LRRC37A2: variants seen among roughly 807,000 people sequenced by gnomAD.
LRRC37A2 encodes the protein leucine-rich repeat-containing protein 37A2.
LRRC37A2 carries 9 observed loss-of-function variants against 68.8 expected under a neutral mutation model. The observed-to-expected ratio is 0.13, with a 90% CI of 0.08 to 0.23. The LOEUF (loss-of-function observed/expected upper bound fraction) is 0.23. Among genes scored for constraint, LRRC37A2 ranks in the 10% least tolerant of loss-of-function variants. The pLI, the probability that LRRC37A2 is intolerant of heterozygous loss-of-function variation, is 1.00. For synonymous variants in LRRC37A2, 63 were observed against 367.6 expected (o/e 0.17, Z 9.48); for missense variants, 168 against 950.4 (o/e 0.18, Z 10.82).
At chr17:46,864,621 A>C in the LRRC37A2 span, among the ~76,000 whole-genome samples, 1 of 152,138 alleles carries the variant, frequency 6.6e-6, no homozygotes, top group Non-Finnish European at 1.5e-5. Flanking sequence ...TCCTTCCCTC[A>C]AAACCTAGCT....
chr17:46,767,575 C>T, the LRRC37A2 span, among the ~76,000 whole-genome samples: 20 of 152,250 alleles, frequency 1.3e-4, no homozygotes, highest in Middle Eastern at 3.4e-3. Flanking sequence ...AAAGCTGAGG[C>T]CCAGAAAAGT....
At chr17:46,968,950 G>T in the LRRC37A2 span, 1 of 152,524 alleles carries the variant, frequency 6.6e-6, no homozygotes, top group Admixed American at 6.5e-5. Flanking sequence ...GTTGAAAAAT[G>T]ATTGTTCTAA....
chr17:46,931,677 C>T, the LRRC37A2 span: 1 of 319,600 alleles, frequency 3.1e-6, no homozygotes. Flanking sequence ...GCGCCTGTTT[C>T]CAAAAGTTTT....
At chr17:46,499,094 C>G in the LRRC37A2 span, among the ~76,000 whole-genome samples, 1 of 147,170 alleles carries the variant, frequency 6.8e-6, no homozygotes, top group Non-Finnish European at 1.5e-5. Flanking sequence ...GCAGGTGGAT[C>G]ACTTGAGGTC....
the LRRC37A2 span, among the ~76,000 whole-genome samples, chr17:47,012,279 C>G: frequency 6.6e-6 from 1 of 152,058 alleles, no homozygotes; most frequent in Admixed American, 6.6e-5. Flanking sequence ...TTACTATCAT[C>G]TATTTTGATG....
At chr17:46,801,355 C>A in the LRRC37A2 span, among the ~76,000 whole-genome samples, 1 of 152,220 alleles carries the variant, frequency 6.6e-6, no homozygotes, top group African/African-American at 2.4e-5. Context: ...CACGGTGGCT[C>A]ACGCCTGTAA....
At chr17:46,496,690 G>C in the LRRC37A2 span, among the ~76,000 whole-genome samples, 1 of 135,220 alleles carries the variant, frequency 7.4e-6, no homozygotes, top group Admixed American at 7.4e-5. Context: ...CGAGGCAGGT[G>C]AATCACCTGA....
At chr17:46,951,196 C>T in the LRRC37A2 span, among the ~76,000 whole-genome samples, 1 of 152,180 alleles carries the variant, frequency 6.6e-6, no homozygotes, top group Non-Finnish European at 1.5e-5. Flanking sequence ...TAGGAGGAGG[C>T]AGACAGAGGT....
chr17:46,516,127 C>A (rs1268427581), intron 2 of LRRC37A2, among the ~76,000 whole-genome samples: 16 of 147,748 alleles, frequency 1.1e-4, no homozygotes, highest in African/African-American at 3.6e-4. Context: ...GGTGAAACCC[C>A]ATCTCTACTA....
chr17:46,837,666 C>T, the LRRC37A2 span, among the ~76,000 whole-genome samples: 2 of 152,310 alleles, frequency 1.3e-5, no homozygotes, highest in African/African-American at 4.8e-5. Flanking sequence ...GCTGGGAACA[C>T]AGGAAGGTGG....
chr17:46,891,810 C>T, the LRRC37A2 span, among the ~76,000 whole-genome samples: 2 of 152,098 alleles, frequency 1.3e-5, no homozygotes, highest in African/African-American at 2.4e-5. Context: ...CCAGAGCTTT[C>T]TTGGCTCCAA....
the LRRC37A2 span, among the ~76,000 whole-genome samples, chr17:47,013,347 T>C: frequency 6.6e-6 from 1 of 152,262 alleles, no homozygotes; most frequent in Admixed American, 6.5e-5. Flanking sequence ...AATTCTATGA[T>C]ACATGAATTA....
chr17:46,786,498 TC>T, the LRRC37A2 span, among the ~76,000 whole-genome samples: 1 of 152,198 alleles, frequency 6.6e-6, no homozygotes, highest in South Asian at 2.1e-4. Context: ...CCAGAGCGTC[TC>T]CCTGAGAGGC....
At chr17:46,669,479 T>C in the LRRC37A2 span, among the ~76,000 whole-genome samples, 1 of 128,420 alleles carries the variant, frequency 7.8e-6, no homozygotes, top group Non-Finnish European at 1.7e-5. Context: ...TCTTCCTCCT[T>C]GTCCCTTTAT....
chr17:46,533,424 CACATT>C (rs1326976077), intron 6 of LRRC37A2, among the ~76,000 whole-genome samples: 2 of 130,140 alleles, frequency 1.5e-5, no homozygotes, highest in East Asian at 4.4e-4. Flanking sequence ...GTTATTGTCA[CACATT>C]ACATCTTTAT....
the LRRC37A2 span, among the ~76,000 whole-genome samples, chr17:46,833,798 C>T: frequency 6.6e-6 from 1 of 152,180 alleles, no homozygotes; most frequent in Non-Finnish European, 1.5e-5. Context: ...CTGGGGGCTC[C>T]TGATCGGGAG....
the LRRC37A2 span, chr17:47,033,148 T>G: frequency 1.8e-6 from 1 of 568,600 alleles, no homozygotes; most frequent in Middle Eastern, 4.8e-4. Flanking sequence ...CTCCAGGAGG[T>G]GGAGTTTGCA....
At chr17:47,034,897 A>G in the LRRC37A2 span, 3 of 152,168 alleles carry the variant, frequency 2.0e-5, no homozygotes, top group Non-Finnish European at 4.4e-5. Context: ...TGTGGCACTC[A>G]CATTCTTTCT....
At chr17:46,806,157 T>G in the LRRC37A2 span, among the ~76,000 whole-genome samples, 1 of 152,064 alleles carries the variant, frequency 6.6e-6, no homozygotes, top group East Asian at 1.9e-4. Context: ...AGCTCCTGGT[T>G]GGGTCCTGTG....
Sources: gnomAD v4.1 joint callset for allele counts (sites outside exome capture counted in the v4.1 genomes callset) on GRCh38, gnomAD v4.1.1 for gene constraint, MANE v1.5 for transcripts, NCBI Gene and HGNC (gene_info 2026-07-23, HGNC 2026-07-21) for gene names.